TNIK: variants seen among roughly 807,000 people sequenced by gnomAD.
The protein encoded by TNIK is TRAF2 and NCK interacting kinase.
In TNIK, 49 loss-of-function variants were observed where a neutral mutation model predicts 191.3. That is an observed-to-expected ratio of 0.26 (90% CI 0.20 to 0.32). The LOEUF is 0.32. Among genes scored for constraint, TNIK ranks in the 10% least tolerant of loss-of-function variants. The pLI is 1.00. For missense variants in TNIK, 1,155 were observed against 1,702.3 expected, an observed-to-expected ratio of 0.68 and a Z score of 5.66; for synonymous variants, 594 against 600.9, an observed-to-expected ratio of 0.99 and a Z score of 0.17.
At chr3:171,291,101 C>T (rs1231978537) in intron 2 of TNIK, among the ~76,000 whole-genome samples, 1 of 152,108 alleles carries the variant, frequency 6.6e-6, no homozygotes, top group South Asian at 2.1e-4. Context: ...GTTCATACTG[C>T]ACCACTTCAC....
intron 2 of TNIK, among the ~76,000 whole-genome samples, chr3:171,266,423 C>T (rs527910627): frequency 1.2e-4 from 18 of 152,336 alleles, no homozygotes; most frequent in African/African-American, 4.3e-4. Context: ...ATCTTTCCCT[C>T]TCAGTTTCCT....
intron 2 of TNIK, among the ~76,000 whole-genome samples, chr3:171,282,201 T>A (rs894746478): frequency 6.6e-6 from 1 of 152,116 alleles, no homozygotes; most frequent in Non-Finnish European, 1.5e-5. Context: ...AAGATCTGTA[T>A]CCCAGCGAAT....
chr3:171,408,633 C>T (rs943731271), intron 1 of TNIK, among the ~76,000 whole-genome samples: 2 of 152,138 alleles, frequency 1.3e-5, no homozygotes, highest in African/African-American at 4.8e-5. Flanking sequence ...GTGAGATAAG[C>T]TTGTTTATGG....
intron 23 of TNIK, among the ~76,000 whole-genome samples, chr3:171,088,432 A>G (rs987559616): frequency 3.3e-5 from 5 of 152,058 alleles, no homozygotes; most frequent in African/African-American, 1.2e-4. Context: ...ATGGGGTTTC[A>G]CCATGTTGGT....
At chr3:171,393,117 T>G (rs963365463) in intron 1 of TNIK, among the ~76,000 whole-genome samples, 6 of 152,196 alleles carry the variant, frequency 3.9e-5, no homozygotes, top group African/African-American at 1.4e-4. Context: ...TCAGTGCACT[T>G]TCTCAGGTTG....
At chr3:171,241,515 T>G (rs947923757) in intron 2 of TNIK, among the ~76,000 whole-genome samples, 1 of 152,234 alleles carries the variant, frequency 6.6e-6, no homozygotes, top group African/African-American at 2.4e-5. Flanking sequence ...TCTATTTAAA[T>G]TCTCTCTAAA....
At chr3:171,200,444 G>A (rs555001143) in intron 4 of TNIK, among the ~76,000 whole-genome samples, 1 of 151,898 alleles carries the variant, frequency 6.6e-6, no homozygotes, top group Non-Finnish European at 1.5e-5. Context: ...AAGCCAAAGA[G>A]TTCTGACACT....
intron 18 of TNIK, among the ~76,000 whole-genome samples, chr3:171,118,680 C>A (rs1362566173): frequency 2.6e-5 from 4 of 152,118 alleles, no homozygotes; most frequent in South Asian, 2.1e-4. Flanking sequence ...CAAAAACAAG[C>A]AATGGGGAAA....
intron 2 of TNIK, among the ~76,000 whole-genome samples, chr3:171,340,125 A>G (rs1414841538): frequency 6.6e-6 from 1 of 152,226 alleles, no homozygotes; most frequent in East Asian, 1.9e-4. Flanking sequence ...ACATGAAAAA[A>G]ATGCTAATAT....
intron 2 of TNIK, among the ~76,000 whole-genome samples, chr3:171,353,497 C>T (rs888262863): frequency 2.6e-5 from 4 of 152,194 alleles, no homozygotes; most frequent in Non-Finnish European, 4.4e-5. Context: ...TACGGGATTA[C>T]ATACTATTGC....
At chr3:171,352,868 T>A (rs1276095778) in intron 2 of TNIK, among the ~76,000 whole-genome samples, 1 of 152,154 alleles carries the variant, frequency 6.6e-6, no homozygotes, top group Non-Finnish European at 1.5e-5. Context: ...TAATGAGGCT[T>A]TAATGTATTC....
intron 2 of TNIK, among the ~76,000 whole-genome samples, chr3:171,252,425 C>G (rs1746348254): frequency 6.6e-6 from 1 of 152,142 alleles, no homozygotes; most frequent in Admixed American, 6.5e-5. Context: ...GAGGAATAAA[C>G]AAAACCACCC....
intron 1 of TNIK, among the ~76,000 whole-genome samples, chr3:171,443,701 C>A (rs1330572292): frequency 6.6e-6 from 1 of 152,094 alleles, no homozygotes; most frequent in African/African-American, 2.4e-5. Flanking sequence ...GTAGCACACA[C>A]CTGTAGTCCC....
chr3:171,200,027 AAG>A (rs1739216682), intron 4 of TNIK, among the ~76,000 whole-genome samples: 1 of 152,242 alleles, frequency 6.6e-6, no homozygotes, highest in Middle Eastern at 3.2e-3. Flanking sequence ...ATTAATGAAA[AAG>A]CACCAGAGAC....
At chr3:171,351,968 C>T (rs1008422975) in intron 2 of TNIK, among the ~76,000 whole-genome samples, 1 of 152,196 alleles carries the variant, frequency 6.6e-6, no homozygotes, top group East Asian at 1.9e-4. Context: ...ATCTCTAGTC[C>T]TCAGGACCAA....
chr3:171,306,861 A>C (rs888137883), intron 2 of TNIK, among the ~76,000 whole-genome samples: 1 of 152,158 alleles, frequency 6.6e-6, no homozygotes, highest in Admixed American at 6.6e-5. Context: ...AACCATCTAA[A>C]GAGAGAAGGC....
chr3:171,131,813 C>T (rs1438012632), intron 15 of TNIK, among the ~76,000 whole-genome samples: 4 of 152,134 alleles, frequency 2.6e-5, no homozygotes, highest in Non-Finnish European at 4.4e-5. Context: ...TGGCACTTCT[C>T]CTAATAATAC....
intron 1 of TNIK, among the ~76,000 whole-genome samples, chr3:171,405,553 C>T (rs1318735099): frequency 3.4e-5 from 5 of 148,838 alleles, no homozygotes; most frequent in South Asian, 2.1e-4. Context: ...GGCAACACAC[C>T]GAGTTAAACA....
chr3:171,225,461 T>C (rs1249864112), intron 3 of TNIK: 1 of 407,574 alleles, frequency 2.5e-6, no homozygotes, highest in Non-Finnish European at 4.8e-6. Flanking sequence ...CCCAAGAGAA[T>C]TAAGCCTAAA....
Sources: gnomAD v4.1 joint callset for allele counts (sites outside exome capture counted in the v4.1 genomes callset) on GRCh38, gnomAD v4.1.1 for gene constraint, MANE v1.5 for transcripts, NCBI Gene and HGNC (gene_info 2026-07-23, HGNC 2026-07-21) for gene names.